GALNTL6: variants seen among roughly 807,000 people sequenced by gnomAD.
GALNTL6 encodes polypeptide N-acetylgalactosaminyltransferase-like 6.
A neutral mutation model predicts 73.7 loss-of-function variants in GALNTL6; 46 were observed. The ratio of observed to expected loss-of-function variants is 0.62; its 90% confidence interval spans 0.49 to 0.80. The LOEUF (loss-of-function observed/expected upper bound fraction) is 0.80. Among genes scored for constraint, GALNTL6 ranks in the 30% least tolerant of loss-of-function variants. GALNTL6 has a pLI of 0.00. For missense variants in GALNTL6, 604 were observed against 755.0 expected, an observed-to-expected ratio of 0.80 and a Z score of 2.34; for synonymous variants, 259 against 263.7, an observed-to-expected ratio of 0.98 and a Z score of 0.17.
chr4:172,433,832 C>T (rs335970), intron 5 of GALNTL6, among the ~76,000 whole-genome samples: 132,450 of 152,136 alleles, frequency 0.87, 57,714 homozygotes, highest in South Asian at 0.89. Context: ...ATTTGTGTTG[C>T]GCAAAGTAAA....
intron 2 of GALNTL6, among the ~76,000 whole-genome samples, chr4:172,190,496 C>G (rs1168969010): frequency 6.6e-6 from 1 of 151,626 alleles, no homozygotes; most frequent in East Asian, 1.9e-4. Context: ...AAGAGGTACA[C>G]TGAGAAAAAA....
intron 10 of GALNTL6, among the ~76,000 whole-genome samples, chr4:172,957,702 A>T (rs1056124870): frequency 2.0e-5 from 3 of 152,218 alleles, no homozygotes; most frequent in African/African-American, 7.2e-5. Context: ...ATGGTGGTGC[A>T]GGATATGGAA....
chr4:171,935,830 G>A (rs969606869), intron 2 of GALNTL6, among the ~76,000 whole-genome samples: 4 of 152,062 alleles, frequency 2.6e-5, no homozygotes, highest in Non-Finnish European at 4.4e-5. Flanking sequence ...GAATTTTGTG[G>A]CTAGCATTTT....
intron 2 of GALNTL6, 37 bp downstream of exon 2, chr4:171,814,755 G>T: frequency 6.2e-7 from 1 of 1,607,862 alleles, no homozygotes; most frequent in Non-Finnish European, 8.5e-7. Context: ...ACAAGGATTG[G>T]TAAGGCAGTG....
At chr4:172,572,823 T>G (rs1736815668) in intron 5 of GALNTL6, among the ~76,000 whole-genome samples, 1 of 152,196 alleles carries the variant, frequency 6.6e-6, no homozygotes, top group African/African-American at 2.4e-5. Context: ...ACAACCTTGA[T>G]AAAGTCAAGG....
At position 172,418,964 on chromosome 4, in the gene GALNTL6, A is replaced by G. The variant is rs58060641; in HGVS notation, c.553+70275A>G. Among the ~76,000 whole-genome samples the G allele has an allele frequency of 5.6e-3, 845 of 152,102 alleles. 8 individuals carry two copies. The highest frequency in any genetic ancestry group is 0.019 in the African/African-American group (778 of 41,518). ...CTACGAGATTTATCAAGCAATAGGG[A>G]ACTTTTTTAGTTATTTGTTTTCATA... is the stretch of plus-strand genomic sequence containing the variant. On this transcript the variant is annotated intron_variant, in intron 5 of 12. Transcript: ENST00000506823.
intron 2 of GALNTL6, among the ~76,000 whole-genome samples, chr4:172,078,587 T>A (rs913381157): frequency 1.3e-5 from 2 of 152,206 alleles, no homozygotes; most frequent in African/African-American, 4.8e-5. Flanking sequence ...TGGATATATC[T>A]TAGATACTGA....
chr4:172,749,629 T>C (rs1000917086), intron 5 of GALNTL6, among the ~76,000 whole-genome samples: 1 of 152,050 alleles, frequency 6.6e-6, no homozygotes, highest in South Asian at 2.1e-4. Context: ...TTTTAAACTT[T>C]CCTTAGATAA....
At chr4:172,354,431 A>G (rs1561042091) in intron 5 of GALNTL6, among the ~76,000 whole-genome samples, 1 of 152,152 alleles carries the variant, frequency 6.6e-6, no homozygotes, top group Non-Finnish European at 1.5e-5. Flanking sequence ...TGATATTTGT[A>G]TATCGTGTTG....
At chr4:172,702,889 G>A (rs558603716) in intron 5 of GALNTL6, among the ~76,000 whole-genome samples, 7 of 151,766 alleles carry the variant, frequency 4.6e-5, no homozygotes, top group East Asian at 3.9e-4. Context: ...TTTATTACTC[G>A]TATAAAGACA....
At chr4:172,108,989 G>T (rs1311614614) in intron 2 of GALNTL6, among the ~76,000 whole-genome samples, 2 of 141,668 alleles carry the variant, frequency 1.4e-5, no homozygotes, top group Non-Finnish European at 3.0e-5. Context: ...CTCCAGCCTG[G>T]GTGACAGAGT....
chr4:172,017,825 G>A (rs1741255488), intron 2 of GALNTL6, among the ~76,000 whole-genome samples: 1 of 152,058 alleles, frequency 6.6e-6, no homozygotes, highest in Non-Finnish European at 1.5e-5. Context: ...GGCTGGTGCT[G>A]GGGAATGCCT....
In GALNTL6 at chr4:172,559,069, T is replaced by TTTTA. The variant is rs1268704171; in HGVS notation, c.553+210383_553+210384insATTT. Among the ~76,000 whole-genome samples, 5 of 121,716 alleles carry TTTTA rather than the reference T, an allele frequency of 4.1e-5. 1 individual carries two copies. The highest frequency in any genetic ancestry group is 8.6e-5 in the Non-Finnish European group (5 of 58,158). The allele number at this position is 121,716 out of a possible 152,430, so 79.9% of individuals were successfully genotyped here. ...GATAATGATAATGGATTTTTTTTTTTTTTTTTTTTTTTTTTGAGACAGAGT... is the reference window on the plus strand; with the variant it reads ...GATAATGATAATGGATTTTTTTTTTTTTTATTTTTTTTTTTTTTTGAGACAGAGT... On this transcript the variant is annotated intron_variant, in intron 5 of 12. Transcript: ENST00000506823.
At chr4:172,390,941 GA>G (rs946531617) in intron 5 of GALNTL6, among the ~76,000 whole-genome samples, 1 of 151,734 alleles carries the variant, frequency 6.6e-6, no homozygotes, top group African/African-American at 2.4e-5. Context: ...GCACTCTTAT[GA>G]AAAAAAATAG....
intron 3 of GALNTL6, among the ~76,000 whole-genome samples, chr4:172,301,476 G>GT (rs917513085): frequency 3.3e-5 from 5 of 152,122 alleles, no homozygotes; most frequent in African/African-American, 9.7e-5. Context: ...TTTCTGCTCT[G>GT]TTTTTTCCCC....
chr4:172,036,767 C>T (rs939451273), intron 2 of GALNTL6, among the ~76,000 whole-genome samples: 2 of 152,060 alleles, frequency 1.3e-5, no homozygotes, highest in East Asian at 1.9e-4. Flanking sequence ...ACCCAGTTGA[C>T]GTTTCTACCC....
In GALNTL6 at chr4:172,326,799, C is replaced by A. The variant is rs112386236; in HGVS notation, c.386+15047C>A. Among the ~76,000 whole-genome samples, 306 of 151,876 alleles carry A rather than the reference C, an allele frequency of 2.0e-3. 1 individual carries two copies. Among genetic ancestry groups the A allele is most frequent in the African/African-American group, 7.0e-3 (290 of 41,510 alleles). On this transcript the variant is annotated intron_variant, in intron 4 of 12. Coordinates refer to ENST00000506823, the MANE Select transcript of GALNTL6 (RefSeq NM_001034845.3). ...GATTAATTTTATATTTCTAATCATT[C>A]TATTTCACTTTTTTGAGGAGTAAAG...
intron 4 of GALNTL6, among the ~76,000 whole-genome samples, chr4:172,316,183 A>G (rs1194781324): frequency 6.6e-6 from 1 of 152,198 alleles, no homozygotes; most frequent in Non-Finnish European, 1.5e-5. Context: ...GAAAAAAGGA[A>G]TAATTGAGAT....
At chr4:172,413,999 A>G (rs1333589634) in intron 5 of GALNTL6, among the ~76,000 whole-genome samples, 1 of 152,182 alleles carries the variant, frequency 6.6e-6, no homozygotes, top group East Asian at 1.9e-4. Flanking sequence ...AAACTGAATC[A>G]CAGGGAAGTT....
Sources: allele counts gnomAD v4.1 joint callset (sites outside exome capture counted in the v4.1 genomes callset), GRCh38; gene constraint gnomAD v4.1.1; transcripts MANE v1.5; gene names NCBI Gene and HGNC (gene_info 2026-07-23, HGNC 2026-07-21).